Variants in PIWIL1 observed in about 807,000 individuals in gnomAD.
PIWIL1 encodes piwi-like protein 1.
PIWIL1 carries 73 observed loss-of-function variants against 114.4 expected under a neutral mutation model. That is an observed-to-expected ratio of 0.64 (90% CI 0.53 to 0.78). The LOEUF is 0.78. Ranked by LOEUF, PIWIL1 falls within the 30% of genes least tolerant of loss-of-function variation. The pLI is 0.00. For synonymous variants in PIWIL1, 375 were observed against 369.0 expected, an observed-to-expected ratio of 1.02 and a Z score of -0.19; for missense variants, 723 against 1,063.1, an observed-to-expected ratio of 0.68 and a Z score of 4.45.
the PIWIL1 span, among the ~76,000 whole-genome samples, chr12:130,408,657 C>G: frequency 6.6e-6 from 1 of 152,188 alleles, no homozygotes; most frequent in African/African-American, 2.4e-5. Context: ...AGAACCTGGC[C>G]CAATCACGAA....
chr12:130,361,491 A>G lies in PIWIL1; in HGVS notation c.1867-7A>G, dbSNP rs577066116. The G allele has an allele frequency of 1.0e-4, 163 of 1,613,952 alleles. 2 individuals are homozygous for G. In the South Asian group the frequency reaches 1.6e-3, roughly 16 times the overall value. ...TTGTATCTAAAATTACCATATTTGTATTGAAGCTGAAGCTCGTGATGATCG... is the reference window on the plus strand; with the variant it reads ...TTGTATCTAAAATTACCATATTTGTGTTGAAGCTGAAGCTCGTGATGATCG... On this transcript the variant is annotated splice_polypyrimidine_tract_variant and splice_region_variant and intron_variant, in intron 15 of 20. Transcript: ENST00000245255.
At chr12:130,339,781 G>A (rs938557658) in intron 1 of PIWIL1, 6 of 152,208 alleles carry the variant, frequency 3.9e-5, no homozygotes, top group African/African-American at 1.4e-4. Context: ...GCTGCTTCCA[G>A]TCGGCTTCTA....
intron 5 of PIWIL1, 37 bp downstream of exon 5, chr12:130,346,621 C>G: frequency 1.3e-6 from 2 of 1,488,886 alleles, no homozygotes; most frequent in Non-Finnish European, 1.9e-6. Context: ...ATTTCCACTT[C>G]AAAGCAGAAC....
chr12:130,404,695 T>C, the PIWIL1 span, among the ~76,000 whole-genome samples: 1 of 152,226 alleles, frequency 6.6e-6, no homozygotes, highest in Admixed American at 6.5e-5. Context: ...AGGAGGCGCA[T>C]GCTATGTCAG....
the PIWIL1 span, among the ~76,000 whole-genome samples, chr12:130,401,146 C>T: frequency 4.6e-5 from 7 of 151,966 alleles, no homozygotes; most frequent in South Asian, 4.2e-4. Flanking sequence ...GACAGAGTCT[C>T]GCTCTGTCAC....
rs777982419 is a variant in PIWIL1 at position 130,354,619 on chromosome 12, T to C, written c.1127T>C (p.Leu376Pro). The change falls in exon 10 of 21, where the codon CTG becomes CCG. Residue 376 changes from leucine (L) to proline (P), a missense_variant. Transcript: ENST00000245255. ...AGAAGGCGGGGCCCTGGGGGGACACTGCCAGGGCCTGCCATGCTCATTCCT... is the reference window on the plus strand; with the variant it reads ...AGAAGGCGGGGCCCTGGGGGGACACCGCCAGGGCCTGCCATGCTCATTCCT... ...PKRRRGPGGT[L>P]PGPAMLIPEL... 6.2e-7 allele frequency: 1 copy of C among 1,607,836 alleles called. No homozygotes were observed. Among genetic ancestry groups the C allele is most frequent in the Non-Finnish European group, 8.5e-7 (1 of 1,178,270 alleles).
the PIWIL1 span, among the ~76,000 whole-genome samples, chr12:130,400,729 T>C: frequency 6.6e-6 from 1 of 152,180 alleles, no homozygotes; most frequent in East Asian, 1.9e-4. Context: ...AAGTCATCTA[T>C]CTGCTAAGGG....
At chr12:130,381,179 C>T in the PIWIL1 span, among the ~76,000 whole-genome samples, 1 of 152,180 alleles carries the variant, frequency 6.6e-6, no homozygotes, top group Non-Finnish European at 1.5e-5. Context: ...GAGAGATTGC[C>T]TGTGCCCTTC....
downstream of PIWIL1, among the ~76,000 whole-genome samples, chr12:130,374,932 C>G (rs1269950234): frequency 6.6e-6 from 1 of 152,188 alleles, no homozygotes; most frequent in Admixed American, 6.5e-5. Flanking sequence ...GGGTCACTCA[C>G]AGTGCTGCTG....
intron 7 of PIWIL1, among the ~76,000 whole-genome samples, chr12:130,348,761 TGTG>T (rs1294048191): frequency 1.3e-5 from 2 of 151,846 alleles, no homozygotes. Context: ...ATTAGCCGGG[TGTG>T]GTGGCTGGCA....
At chr12:130,403,672 C>T in the PIWIL1 span, among the ~76,000 whole-genome samples, 3 of 69,210 alleles carry the variant, frequency 4.3e-5, no homozygotes, top group Non-Finnish European at 6.3e-5. Context: ...TTAATCTCCT[C>T]TAAAGCATAG....
chr12:130,378,167 G>C, the PIWIL1 span, among the ~76,000 whole-genome samples: 1 of 152,126 alleles, frequency 6.6e-6, no homozygotes, highest in Non-Finnish European at 1.5e-5. Context: ...CTCTTTGCAA[G>C]CAGTCCTCCC....
the PIWIL1 span, among the ~76,000 whole-genome samples, chr12:130,382,866 C>T: frequency 1.4e-3 from 215 of 152,210 alleles, 1 homozygote; most frequent in African/African-American, 4.9e-3. Flanking sequence ...GTTAAGTATG[C>T]TTTTATTTTT....
the PIWIL1 span, chr12:130,407,906 C>A: frequency 7.7e-7 from 1 of 1,294,834 alleles, no homozygotes; most frequent in East Asian, 2.3e-5. Flanking sequence ...CCTTCCGGGT[C>A]ACACATGGCC....
chr12:130,349,978 A>C lies in PIWIL1; in HGVS notation c.1044+11A>C. 1.4e-6 allele frequency: 2 copies of C among 1,476,406 alleles called. No homozygotes were observed. Among genetic ancestry groups the C allele is most frequent in the Non-Finnish European group, 1.9e-6 (2 of 1,062,036 alleles). The allele number at this position is 1,476,406 out of a possible 1,614,324, so 91.5% of individuals were successfully genotyped here. A position where few individuals can be genotyped will look rare whatever the true frequency, so the allele number is the denominator to read the frequency against. On this transcript the variant is annotated intron_variant, in intron 9 of 20. Transcript: ENST00000245255. ...GAATACTACAGGAAGGTAAGATGCC[A>C]GTGGTTAGATCTCAGGAGAAATCCA... is the stretch of plus-strand genomic sequence containing the variant.
intron 3 of PIWIL1, among the ~76,000 whole-genome samples, chr12:130,344,615 G>A (rs1339352490): frequency 6.6e-5 from 10 of 152,228 alleles, no homozygotes; most frequent in Non-Finnish European, 1.5e-4. Context: ...CAGTTCTGGT[G>A]TTTGTGGTCA....
At chr12:130,416,401 A>G in the PIWIL1 span, among the ~76,000 whole-genome samples, 1 of 152,220 alleles carries the variant, frequency 6.6e-6, no homozygotes, top group Admixed American at 6.5e-5. Flanking sequence ...AACAGAATAG[A>G]GAACCAGAAA....
chr12:130,390,325 C>G, the PIWIL1 span, among the ~76,000 whole-genome samples: 1 of 152,142 alleles, frequency 6.6e-6, no homozygotes, highest in East Asian at 1.9e-4. Context: ...TACTGACTAC[C>G]TTTGTCCAGA....
the PIWIL1 span, among the ~76,000 whole-genome samples, chr12:130,416,665 C>T: frequency 3.9e-4 from 60 of 152,234 alleles, no homozygotes; most frequent in African/African-American, 1.2e-3. Flanking sequence ...TCAGCCTTGG[C>T]AAAGAATTAT....
Sources: allele counts gnomAD v4.1 joint callset (sites outside exome capture counted in the v4.1 genomes callset), GRCh38; gene constraint gnomAD v4.1.1; transcripts MANE v1.5; gene names NCBI Gene and HGNC (gene_info 2026-07-23, HGNC 2026-07-21).